COL25A1: variants seen among roughly 807,000 people sequenced by gnomAD.
COL25A1 encodes the protein collagen alpha-1(XXV) chain.
In COL25A1, 103 loss-of-function variants were observed where a neutral mutation model predicts 128.4. The observed-to-expected ratio is 0.80, with a 90% CI of 0.68 to 0.94. The LOEUF (loss-of-function observed/expected upper bound fraction) is 0.94. COL25A1 is among the 40% of genes least tolerant of loss of function. The pLI, the probability that COL25A1 is intolerant of heterozygous loss-of-function variation, is 0.00. For missense variants in COL25A1, 745 were observed against 840.0 expected (o/e 0.89, Z 1.40); for synonymous variants, 279 against 277.2 (o/e 1.01, Z -0.06).
At chr4:108,911,249 G>A (rs1223378319) in intron 13 of COL25A1, among the ~76,000 whole-genome samples, 11 of 152,032 alleles carry the variant, frequency 7.2e-5, no homozygotes, top group Admixed American at 7.2e-4. Flanking sequence ...TAAGACCAAG[G>A]CTATCTGTAG....
At chr4:108,945,756 C>T (rs775436866) in intron 8 of COL25A1, among the ~76,000 whole-genome samples, 87 of 152,224 alleles carry the variant, frequency 5.7e-4, no homozygotes, top group African/African-American at 2.0e-3. Context: ...CTCTGCCTTC[C>T]GGGTTCAAGC....
rs187900093 is a variant in COL25A1 at position 108,902,161 on chromosome 4, C to T, written c.781-989G>A. On this transcript the variant is annotated intron_variant, in intron 13 of 37. Coordinates refer to ENST00000399132, the MANE Select transcript of COL25A1 (RefSeq NM_198721.4). ...TGATTTTTGAGAATGTTTTCTAAGT[C>T]ACCTGGAGGGCAAGAATTCTGTCAC... 4.0e-3 allele frequency among the ~76,000 whole-genome samples: 606 copies of T among 152,090 alleles called. 1 individual carries two copies. Among genetic ancestry groups the T allele is most frequent in the Middle Eastern group, 0.01 (3 of 294 alleles).
intron 31 of COL25A1, 149 bp downstream of exon 31, chr4:108,841,546 T>C (rs547982665): frequency 3.2e-6 from 2 of 621,044 alleles, no homozygotes; most frequent in Middle Eastern, 3.3e-4. Context: ...TTTTGTGTTA[T>C]GAGATTTAAA....
chr4:108,961,975 A>G lies in COL25A1; in HGVS notation c.492+12392T>C, dbSNP rs57190192. 4.7e-3 allele frequency among the ~76,000 whole-genome samples: 720 copies of G among 152,328 alleles called. 14 individuals are homozygous for G. In the East Asian group the frequency reaches 0.063, roughly 13 times the overall value. On this transcript the variant is annotated intron_variant, in intron 8 of 37. Coordinates refer to ENST00000399132, the MANE Select transcript of COL25A1 (RefSeq NM_198721.4). Reference sequence around the variant, plus strand: ...GATTTTTCTTCCCCTGCCAATAAACAGAATATTCAGGCTGACATGTTCTTT... The same window carrying G: ...GATTTTTCTTCCCCTGCCAATAAACGGAATATTCAGGCTGACATGTTCTTT...
intron 3 of COL25A1, among the ~76,000 whole-genome samples, chr4:109,224,845 C>A (rs1161123126): frequency 6.6e-6 from 1 of 152,182 alleles, no homozygotes; most frequent in African/African-American, 2.4e-5. Flanking sequence ...GAGGCTGAGG[C>A]AGGAGAATCG....
At chr4:109,054,648 T>A (rs948089503) in intron 3 of COL25A1, among the ~76,000 whole-genome samples, 1 of 152,022 alleles carries the variant, frequency 6.6e-6, no homozygotes, top group Non-Finnish European at 1.5e-5. Flanking sequence ...ATAAGAAAAA[T>A]CATAAAATAC....
Position 108,879,973 on chromosome 4 carries a change from T to G in COL25A1, c.1020+4205A>C, listed in dbSNP as rs1180582318. The stretch of plus-strand genomic sequence containing the variant: ...ACAACTGCCTGCCACCACGCCCAGC[T>G]AATTTTTGTATTTTTAGTAGAGATG... On this transcript the variant is annotated intron_variant, in intron 19 of 37. Coordinates refer to ENST00000399132, the MANE Select transcript of COL25A1 (RefSeq NM_198721.4). Among the ~76,000 whole-genome samples the G allele has an allele frequency of 3.4e-5, 5 of 149,236 alleles. No individual in the cohort carries two copies. The East Asian group carries it at 1.0e-3, about 30-fold the overall frequency.
At chr4:109,234,988 A>C (rs900461367) in intron 3 of COL25A1, among the ~76,000 whole-genome samples, 9 of 152,222 alleles carry the variant, frequency 5.9e-5, no homozygotes, top group Non-Finnish European at 1.2e-4. Context: ...GAAACAGATA[A>C]ATAAAGTTTA....
At chr4:109,254,987 G>A (rs1318658969) in intron 3 of COL25A1, among the ~76,000 whole-genome samples, 2 of 152,190 alleles carry the variant, frequency 1.3e-5, no homozygotes, top group Non-Finnish European at 2.9e-5. Flanking sequence ...GCAAATACAA[G>A]GCTAACGAAA....
chr4:108,869,390 A>G (rs1397757756), intron 19 of COL25A1, among the ~76,000 whole-genome samples: 1 of 152,142 alleles, frequency 6.6e-6, no homozygotes, highest in Non-Finnish European at 1.5e-5. Flanking sequence ...GCTGTAGCAA[A>G]TATCAATCCT....
chr4:108,876,034 G>A (rs531619297), intron 19 of COL25A1, among the ~76,000 whole-genome samples: 22 of 152,166 alleles, frequency 1.4e-4, no homozygotes, highest in African/African-American at 4.6e-4. Context: ...GACACAGGGC[G>A]GGGAACACCA....
At chr4:108,856,129 G>T (rs879907118) in intron 24 of COL25A1, among the ~76,000 whole-genome samples, 8 of 152,086 alleles carry the variant, frequency 5.3e-5, no homozygotes, top group Non-Finnish European at 1.2e-4. Flanking sequence ...AGAATTAAAG[G>T]TTACTTTCTT....
chr4:108,818,720 C>T (rs960968692), intron 36 of COL25A1, among the ~76,000 whole-genome samples: 1 of 152,138 alleles, frequency 6.6e-6, no homozygotes, highest in African/African-American at 2.4e-5. Context: ...TTTAGAAGCT[C>T]AGAGAAGTTT....
intron 3 of COL25A1, 134 bp from the exon 4 acceptor site, chr4:109,050,313 A>AGTGTT: frequency 1.5e-6 from 1 of 645,900 alleles, no homozygotes; most frequent in Non-Finnish European, 2.6e-6. Context: ...AGATATTTGT[A>AGTGTT]AAGGTCAGTA....
chr4:108,853,528 T>C (rs191541998), intron 24 of COL25A1, among the ~76,000 whole-genome samples: 1 of 151,986 alleles, frequency 6.6e-6, no homozygotes, highest in South Asian at 2.1e-4. Flanking sequence ...GATTGATTGA[T>C]TTATTATACT....
chr4:109,036,805 T>C (rs1258421010), intron 5 of COL25A1, among the ~76,000 whole-genome samples: 1 of 152,204 alleles, frequency 6.6e-6, no homozygotes, highest in Non-Finnish European at 1.5e-5. Flanking sequence ...TTATCCAGCA[T>C]GCCTGCAGAG....
chr4:109,021,819 C>T (rs761640470), intron 5 of COL25A1: 34 of 449,066 alleles, frequency 7.6e-5, no homozygotes, highest in Admixed American at 4.1e-4. Context: ...CTGTCCTATG[C>T]GGTTGAGATA....
chr4:109,064,509 C>T (rs982308330), intron 3 of COL25A1, among the ~76,000 whole-genome samples: 1 of 152,156 alleles, frequency 6.6e-6, no homozygotes, highest in Non-Finnish European at 1.5e-5. Flanking sequence ...ATCTTTCTAT[C>T]GATTCCCTTA....
chr4:108,973,185 A>G (rs1752092168), intron 8 of COL25A1, among the ~76,000 whole-genome samples: 1 of 152,188 alleles, frequency 6.6e-6, no homozygotes, highest in Non-Finnish European at 1.5e-5. Context: ...CTGTATTCTA[A>G]TCACTTAAGG....
Sources: allele counts gnomAD v4.1 joint callset (sites outside exome capture counted in the v4.1 genomes callset), GRCh38; gene constraint gnomAD v4.1.1; transcripts MANE v1.5; gene names NCBI Gene and HGNC (gene_info 2026-07-23, HGNC 2026-07-21).